The following OFD1 variants were observed in gnomAD, a reference collection of about 807,000 sequenced individuals.
OFD1 encodes centriole and centriolar satellite protein OFD1.
Under a neutral mutation model 81.4 loss-of-function variants are expected in OFD1, and 12 were observed. The ratio of observed to expected loss-of-function variants is 0.15; its 90% CI spans 0.09 to 0.24. The LOEUF is 0.24. OFD1 is among the 10% of genes least tolerant of loss of function. OFD1 has a pLI of 1.00. For synonymous variants in OFD1, 256 were observed against 263.7 expected (o/e 0.97, Z 0.28); for missense variants, 685 against 733.9 (o/e 0.93, Z 0.77).
intron 17 of OFD1, among the ~76,000 whole-genome samples, chrX:13,761,815 G>A (rs750798845): frequency 2.7e-5 from 3 of 110,126 alleles, no homozygotes; most frequent in Non-Finnish European, 3.8e-5. Context: ...CCACAGCAGA[G>A]GGAACTGACT....
chrX:13,746,314 A>G lies in OFD1; in HGVS notation c.518-5A>G, dbSNP rs754852025. 4 of 1,205,714 alleles carry G rather than the reference A, an allele frequency of 3.3e-6. No individual in the cohort carries two copies. Among genetic ancestry groups the G allele is most frequent in the Non-Finnish European group, 3.4e-6 (3 of 891,201 alleles). Reference sequence around the variant, plus strand: ...GTCCTAATTTGATGTGTTATTTTTTAATAGCTGAGAAGCTTCAGCTTATTG... The same window carrying G: ...GTCCTAATTTGATGTGTTATTTTTTGATAGCTGAGAAGCTTCAGCTTATTG... On this transcript the variant is annotated splice_polypyrimidine_tract_variant and splice_region_variant and intron_variant, in intron 6 of 22. Transcript: ENST00000340096.
the OFD1 span, among the ~76,000 whole-genome samples, chrX:13,726,541 A>G: frequency 2.7e-5 from 3 of 111,811 alleles, no homozygotes; most frequent in Admixed American, 1.9e-4. Context: ...AATCCTTTAC[A>G]GAGAAGGAAA....
At chrX:13,732,536 C>T (rs761787714), upstream of OFD1, among the ~76,000 whole-genome samples, 41 of 112,820 alleles carry the variant, frequency 3.6e-4, no homozygotes, top group Non-Finnish European at 6.0e-4. Context: ...GGAAAGAATG[C>T]TGTGATCAAT....
chrX:13,735,419 G>A, intron 2 of OFD1, 73 bp downstream of exon 2: 1 of 786,240 alleles, frequency 1.3e-6, no homozygotes, highest in Admixed American at 2.2e-5. Flanking sequence ...ATTCAATCAA[G>A]GTTTAGGTTT....
At chrX:13,766,318 A>G (rs920645164) in intron 19 of OFD1, among the ~76,000 whole-genome samples, 5 of 111,118 alleles carry the variant, frequency 4.5e-5, no homozygotes, top group Non-Finnish European at 7.6e-5. Context: ...GTCCAGGGAG[A>G]TGGTGAGAAG....
At position 13,756,780 on chromosome X, in the gene OFD1, C is replaced by T; in HGVS notation, c.1411+13C>T. The T allele has an allele frequency of 8.6e-7, 1 of 1,169,113 alleles. No homozygotes were observed. The highest frequency in any genetic ancestry group is 1.8e-5 in the South Asian group (1 of 56,018). On this transcript the variant is annotated intron_variant, in intron 13 of 22. Coordinates refer to ENST00000340096, the MANE Select transcript of OFD1 (RefSeq NM_003611.3). ...CGTCTCCTAAACCGTATGTATTTTT[C>T]TTTTCTTCTGACTTGCGTGTTTTAG...
In OFD1 at chrX:13,760,629, G is replaced by A. The variant is rs984001995; in HGVS notation, c.2169G>A (p.Ser723=). ...VVEALTGSAA[S]RLRGGTSSRR... ...AAGCACTGACAGGCAGTGCAGCCTC[G>A]AGGCTCCGCGGGGGCACTTCCTCCA... Residue 723 remains serine (S), a synonymous_variant, in exon 16 of 23, where the codon TCG becomes TCA. Coordinates refer to ENST00000340096, the MANE Select transcript of OFD1 (RefSeq NM_003611.3). The A allele has an allele frequency of 9.1e-6, 11 of 1,209,762 alleles. No homozygotes were observed. The highest frequency in any genetic ancestry group is 7.0e-5 in the South Asian group (4 of 56,807).
At chrX:13,764,994 G>T (rs1214201674) in intron 19 of OFD1, among the ~76,000 whole-genome samples, 2 of 111,906 alleles carry the variant, frequency 1.8e-5, no homozygotes, top group Non-Finnish European at 3.8e-5. Flanking sequence ...CACTCATTTG[G>T]CACAGACCTG....
intron 5 of OFD1, among the ~76,000 whole-genome samples, chrX:13,739,574 C>T (rs1274187029): frequency 3.6e-5 from 4 of 110,937 alleles, no homozygotes; most frequent in African/African-American, 1.3e-4. Context: ...GGAGAAACCC[C>T]GTTTCTACTA....
chrX:13,750,677 G>C (rs373372586), intron 9 of OFD1, among the ~76,000 whole-genome samples: 11 of 111,904 alleles, frequency 9.8e-5, no homozygotes, highest in Non-Finnish European at 1.3e-4. Context: ...GTGTCTCTCT[G>C]TATTGCCCAG....
At chrX:13,736,201 T>C (rs1253184764) in intron 2 of OFD1, 5 of 921,996 alleles carry the variant, frequency 5.4e-6, no homozygotes, top group African/African-American at 4.0e-5. Flanking sequence ...AGTGAAGTTA[T>C]GAGTCTGCAA....
At chrX:13,739,880 A>G in intron 5 of OFD1, 2 of 754,370 alleles carry the variant, frequency 2.7e-6, no homozygotes, top group Non-Finnish European at 3.1e-6. Flanking sequence ...GCTTTGTAGC[A>G]TGAACATAAG....
chrX:13,757,621 G>T, intron 13 of OFD1, 39 bp from the exon 14 acceptor site: 1 of 1,178,285 alleles, frequency 8.5e-7, no homozygotes, highest in Non-Finnish European at 1.1e-6. Context: ...CTTAAGGTTG[G>T]TAATGACTAG....
At chrX:13,733,188 T>G (rs896239188), upstream of OFD1, among the ~76,000 whole-genome samples, 2 of 110,794 alleles carry the variant, frequency 1.8e-5, no homozygotes, top group Non-Finnish European at 3.8e-5. Flanking sequence ...CTTAACAACA[T>G]TTACAACATA....
chrX:13,714,965 A>G, the OFD1 span, among the ~76,000 whole-genome samples: 1 of 112,466 alleles, frequency 8.9e-6, no homozygotes, highest in African/African-American at 3.2e-5. Context: ...AGCTTCTCAA[A>G]TTAGTGTATC....
chrX:13,751,009 C>T (rs1470485641), intron 9 of OFD1, among the ~76,000 whole-genome samples: 1 of 111,698 alleles, frequency 9.0e-6, no homozygotes, highest in Non-Finnish European at 1.9e-5. Flanking sequence ...AACCACTTCC[C>T]TCTTGAGACT....
In OFD1 at chrX:13,767,241, T is replaced by C; in HGVS notation, c.2714T>C (p.Leu905Ser). ...AGGCAGAGTAACCTACAAGAAGTTT[T>C]AGAAAGGGAACGAAGAGAACTAGAA... Reference protein sequence around the residue: ...ERRQSNLQEVLERERRELEKL... With the variant: ...ERRQSNLQEVSERERRELEKL... Residue 905 changes from leucine (L) to serine (S), a missense_variant, in exon 20 of 23, where the codon TTA (leucine) becomes TCA (serine). Physicochemically the swap from Leu to Ser is moderately radical, Grantham distance 145. This residue lies in a region of OFD1 where 259 missense variants were observed against 254.4 expected (regional missense o/e 1.02). Coordinates refer to ENST00000340096, the MANE Select transcript of OFD1 (RefSeq NM_003611.3). 8.3e-7 allele frequency: 1 copy of C among 1,211,423 alleles called. No individual in the cohort carries two copies.
At chrX:13,729,003 A>T in the OFD1 span, among the ~76,000 whole-genome samples, 3 of 112,045 alleles carry the variant, frequency 2.7e-5, no homozygotes, top group African/African-American at 9.7e-5. Flanking sequence ...CACAATTGCT[A>T]CAAAGAGAAT....
chrX:13,755,946 CTTTTTTTTTT>C (rs34300430), intron 12 of OFD1, among the ~76,000 whole-genome samples: 1 of 65,098 alleles, frequency 1.5e-5, no homozygotes, highest in Non-Finnish European at 2.6e-5. Flanking sequence ...CTTTCTTTCC[CTTTTTTTTTT>C]TTTTTTTTTT....
Sources: allele counts gnomAD v4.1 joint callset (sites outside exome capture counted in the v4.1 genomes callset), GRCh38; gene constraint gnomAD v4.1.1; regional missense constraint gnomAD v4.1.1; transcripts MANE v1.5; gene names NCBI Gene and HGNC (gene_info 2026-07-23, HGNC 2026-07-21).